CPNE4: variants seen among roughly 807,000 people sequenced by gnomAD.
CPNE4 encodes the protein copine-4.
Under a neutral mutation model 67.9 loss-of-function variants are expected in CPNE4, and 25 were observed. That is an observed-to-expected ratio of 0.37 (90% CI 0.27 to 0.51). The LOEUF (loss-of-function observed/expected upper bound fraction) is 0.51. Among genes scored for constraint, CPNE4 ranks in the 20% least tolerant of loss-of-function variants. The probability of loss-of-function intolerance (pLI) is 0.93; values close to 1 mark genes in which losing one functional copy is unlikely to be tolerated. For synonymous variants in CPNE4, 242 were observed against 244.9 expected (o/e 0.99, Z 0.11); for missense variants, 464 against 690.8 (o/e 0.67, Z 3.68).
At chr3:131,933,867 CTG>C (rs944882199) in intron 1 of CPNE4, among the ~76,000 whole-genome samples, 1 of 150,000 alleles carries the variant, frequency 6.7e-6, no homozygotes, top group African/African-American at 2.4e-5. Flanking sequence ...GAAAGTAAAA[CTG>C]TGGTTACCAG....
chr3:131,792,504 T>C (rs2083753845), intron 2 of CPNE4, among the ~76,000 whole-genome samples: 1 of 150,472 alleles, frequency 6.6e-6, no homozygotes, highest in South Asian at 2.1e-4. Flanking sequence ...TTTATACATA[T>C]ACCTGATCTC....
intron 7 of CPNE4, among the ~76,000 whole-genome samples, chr3:131,588,743 T>C (rs991599500): frequency 2.2e-4 from 34 of 152,286 alleles, no homozygotes; most frequent in African/African-American, 8.2e-4. Context: ...AACAGAAAAC[T>C]GGGCATCATT....
intron 1 of CPNE4, among the ~76,000 whole-genome samples, chr3:132,019,149 CAA>C (rs143846197): frequency 8.2e-5 from 12 of 147,202 alleles, no homozygotes; most frequent in Non-Finnish European, 6.0e-5. Context: ...GTGAAGCAAA[CAA>C]AAAAAAAATA....
At chr3:131,876,829 C>A (rs1232873933) in intron 2 of CPNE4, among the ~76,000 whole-genome samples, 1 of 152,026 alleles carries the variant, frequency 6.6e-6, no homozygotes, top group Non-Finnish European at 1.5e-5. Flanking sequence ...AATCACACAG[C>A]AAATGCTCCC....
chr3:131,807,411 T>C (rs1187313951), intron 2 of CPNE4, among the ~76,000 whole-genome samples: 1 of 152,196 alleles, frequency 6.6e-6, no homozygotes, highest in African/African-American at 2.4e-5. Context: ...ACTTAGGTCA[T>C]TATATACAGA....
chr3:131,753,001 AATAAAAT>A (rs1282003978), intron 2 of CPNE4, among the ~76,000 whole-genome samples: 4 of 151,582 alleles, frequency 2.6e-5, no homozygotes, highest in Non-Finnish European at 5.9e-5. Flanking sequence ...ATTAGAAAAT[AATAAAAT>A]ATAAAATATA....
chr3:131,598,338 G>A (rs1939009438), intron 7 of CPNE4, among the ~76,000 whole-genome samples: 1 of 152,180 alleles, frequency 6.6e-6, no homozygotes, highest in Non-Finnish European at 1.5e-5. Flanking sequence ...ATGTGGTATT[G>A]CATCTTTATC....
At chr3:132,007,438 C>T (rs545365415) in intron 1 of CPNE4, among the ~76,000 whole-genome samples, 5 of 152,232 alleles carry the variant, frequency 3.3e-5, no homozygotes, top group Admixed American at 1.3e-4. Context: ...ATCCCCAACT[C>T]CATGCTTGCA....
chr3:131,813,179 G>A (rs796216323), intron 2 of CPNE4, among the ~76,000 whole-genome samples: 22 of 151,982 alleles, frequency 1.4e-4, no homozygotes, highest in African/African-American at 5.1e-4. Flanking sequence ...GAGAAAATCT[G>A]GGAAGACTAT....
chr3:131,989,412 A>T (rs1286036138), intron 1 of CPNE4, among the ~76,000 whole-genome samples: 2 of 85,620 alleles, frequency 2.3e-5, no homozygotes, highest in Admixed American at 1.8e-4. Flanking sequence ...CAAACACTGT[A>T]GGTGAGTAAA....
At position 131,542,692 on chromosome 3, in the gene CPNE4, G is replaced by C. The variant is rs755589232; in HGVS notation, c.1404C>G (p.Ile468Met). The C allele has an allele frequency of 6.2e-6, 10 of 1,613,930 alleles. No individual in the cohort carries two copies. The highest frequency in any genetic ancestry group is 1.3e-5 in the African/African-American group (1 of 74,912). ...VHASHLPMSV[I>M]IVGVGNADFS... The stretch of plus-strand genomic sequence containing the variant: ...AGTCAGCGTTCCCTACTCCCACGAT[G>C]ATGACTGACATGGGGAGGTGGGAGG... The change falls in exon 15 of 16, where the codon ATC (isoleucine) becomes ATG (methionine). Residue 468 changes from isoleucine (I) to methionine (M), a missense_variant. Transcript: ENST00000429747.
chr3:131,902,577 C>A lies in CPNE4; in HGVS notation c.180+2687G>T, dbSNP rs560019506. On this transcript the variant is annotated intron_variant, in intron 2 of 15. Transcript: ENST00000429747. ...GGGATATTATGCAGCTTTGAAATTA[C>A]AATGATCAATATTGTAGCAATGTGA... 3.3e-5 allele frequency among the ~76,000 whole-genome samples: 5 copies of A among 151,736 alleles called. No homozygotes were observed. In the East Asian group the frequency reaches 9.7e-4, roughly 29 times the overall value.
chr3:131,785,872 T>A (rs1417011269), intron 2 of CPNE4, among the ~76,000 whole-genome samples: 1 of 152,112 alleles, frequency 6.6e-6, no homozygotes, highest in Non-Finnish European at 1.5e-5. Flanking sequence ...GATACATGTT[T>A]TATATATTGT....
intron 1 of CPNE4, among the ~76,000 whole-genome samples, chr3:131,954,784 CG>C (rs928170193): frequency 6.6e-6 from 1 of 151,992 alleles, no homozygotes; most frequent in Non-Finnish European, 1.5e-5. Flanking sequence ...CTCAGAATGA[CG>C]GTTTCCAGCT....
chr3:131,559,000 A>G (rs191386153), intron 11 of CPNE4, among the ~76,000 whole-genome samples: 33 of 152,036 alleles, frequency 2.2e-4, no homozygotes, highest in South Asian at 8.3e-4. Context: ...TCTTTTACCT[A>G]TTCTGAATCT....
At chr3:131,598,748 G>GT (rs1328247140) in intron 7 of CPNE4, among the ~76,000 whole-genome samples, 2 of 150,556 alleles carry the variant, frequency 1.3e-5, no homozygotes, top group Non-Finnish European at 2.9e-5. Context: ...TCCTTCTTTT[G>GT]TTTTTTACCA....
chr3:131,594,426 G>A (rs1167522645), intron 7 of CPNE4, among the ~76,000 whole-genome samples: 1 of 151,928 alleles, frequency 6.6e-6, no homozygotes, highest in Non-Finnish European at 1.5e-5. Flanking sequence ...CTTTGAGAAG[G>A]GTGTCAATAA....
chr3:131,935,564 C>T (rs936712049), intron 1 of CPNE4, among the ~76,000 whole-genome samples: 3 of 152,034 alleles, frequency 2.0e-5, no homozygotes, highest in Admixed American at 6.6e-5. Context: ...TCCTTTTTGG[C>T]ATGATTAATT....
intron 2 of CPNE4, among the ~76,000 whole-genome samples, chr3:131,885,607 C>T (rs150859100): frequency 0.014 from 2,084 of 151,592 alleles, 46 homozygotes; most frequent in African/African-American, 0.047. Context: ...TAGTTACATA[C>T]GTATACATTT....
Sources: allele counts gnomAD v4.1 joint callset (sites outside exome capture counted in the v4.1 genomes callset), GRCh38; gene constraint gnomAD v4.1.1; transcripts MANE v1.5; gene names NCBI Gene and HGNC (gene_info 2026-07-23, HGNC 2026-07-21).